Variants in CNDP1 observed in about 807,000 individuals in gnomAD.
The protein encoded by CNDP1 is beta-Ala-His dipeptidase.
A neutral mutation model predicts 58.1 loss-of-function variants in CNDP1; 44 were observed. The ratio of observed to expected loss-of-function variants is 0.76; its 90% CI spans 0.60 to 0.97. CNDP1 has a LOEUF of 0.97. Ranked by LOEUF, CNDP1 falls within the 50% of genes least tolerant of loss-of-function variation. The pLI, the probability that CNDP1 is intolerant of heterozygous loss-of-function variation, is 0.00. For synonymous variants in CNDP1, 254 were observed against 252.6 expected (o/e 1.01, Z -0.05); for missense variants, 616 against 655.1 (o/e 0.94, Z 0.65).
intron 1 of CNDP1, among the ~76,000 whole-genome samples, chr18:74,541,877 C>G (rs778098816): frequency 4.3e-4 from 65 of 152,184 alleles, no homozygotes; most frequent in Non-Finnish European, 7.6e-4. Context: ...GGCTCAGCTT[C>G]CGGCGCCACA....
chr18:74,579,854 C>T (rs1055787845), intron 9 of CNDP1, among the ~76,000 whole-genome samples: 1 of 152,088 alleles, frequency 6.6e-6, no homozygotes, highest in Admixed American at 6.5e-5. Context: ...GGGGGTGGGC[C>T]GGGGCCAGGA....
At chr18:74,548,261 G>T (rs1946616054) in intron 1 of CNDP1, among the ~76,000 whole-genome samples, 1 of 152,194 alleles carries the variant, frequency 6.6e-6, no homozygotes, top group Admixed American at 6.5e-5. Context: ...GGTGGGAGGT[G>T]TTTGGGTCAT....
intron 5 of CNDP1, among the ~76,000 whole-genome samples, chr18:74,564,779 G>T (rs1229253718): frequency 1.3e-5 from 2 of 152,184 alleles, no homozygotes; most frequent in Non-Finnish European, 2.9e-5. Context: ...GCATTACCTT[G>T]AATTCTCCTT....
At chr18:74,564,209 C>T (rs1288469830) in intron 5 of CNDP1, among the ~76,000 whole-genome samples, 2 of 152,110 alleles carry the variant, frequency 1.3e-5, no homozygotes, top group African/African-American at 2.4e-5. Context: ...TGTGCGGTGT[C>T]GTTTATCTGC....
At chr18:74,578,670 T>G (rs1981697868) in intron 9 of CNDP1, among the ~76,000 whole-genome samples, 1 of 152,128 alleles carries the variant, frequency 6.6e-6, no homozygotes, top group African/African-American at 2.4e-5. Flanking sequence ...CCCTCAAGTA[T>G]ATGCAATTAC....
chr18:74,546,565 G>C (rs1471677085), intron 1 of CNDP1, among the ~76,000 whole-genome samples: 1 of 152,146 alleles, frequency 6.6e-6, no homozygotes, highest in Non-Finnish European at 1.5e-5. Context: ...ACCCCCCTGA[G>C]GGCACATAGT....
intron 2 of CNDP1, among the ~76,000 whole-genome samples, chr18:74,556,811 C>T (rs1981054362): frequency 6.6e-6 from 1 of 152,230 alleles, no homozygotes; most frequent in African/African-American, 2.4e-5. Flanking sequence ...AAGGCCTGGG[C>T]AGAGCTGGGG....
intron 2 of CNDP1, among the ~76,000 whole-genome samples, chr18:74,558,392 C>CTTTTTTTTTTTTTTTTTTT (rs71168498): frequency 3.5e-5 from 4 of 114,310 alleles, no homozygotes; most frequent in African/African-American, 3.6e-5. Flanking sequence ...CTTTCTTTTT[C>CTTTTTTTTTTTTTTTTTTT]TTTTTTTTTT....
chr18:74,584,340 A>G (rs112935248), intron 11 of CNDP1, 156 bp from the exon 12 acceptor site: 31,868 of 606,844 alleles, frequency 0.053, 1,087 homozygotes, highest in Non-Finnish European at 0.067. Context: ...CATGGAACTT[A>G]CTAAGTGCTT....
chr18:74,551,990 C>G (rs566620674), intron 1 of CNDP1, among the ~76,000 whole-genome samples: 1 of 152,272 alleles, frequency 6.6e-6, no homozygotes, highest in East Asian at 1.9e-4. Context: ...ACCTGAGCTC[C>G]CTCTCCGGCT....
At chr18:74,565,798 AG>A (rs1396234736) in intron 5 of CNDP1, among the ~76,000 whole-genome samples, 1 of 152,124 alleles carries the variant, frequency 6.6e-6, no homozygotes, top group African/African-American at 2.4e-5. Flanking sequence ...TGGGGTCTGG[AG>A]GACAGTGGCC....
At chr18:74,548,598 G>A (rs148080823) in intron 1 of CNDP1, among the ~76,000 whole-genome samples, 59 of 152,318 alleles carry the variant, frequency 3.9e-4, no homozygotes, top group Middle Eastern at 3.4e-3. Flanking sequence ...GAGGAGTGGG[G>A]CATCGCTATA....
chr18:74,547,461 A>G (rs1012630899), intron 1 of CNDP1, among the ~76,000 whole-genome samples: 3 of 152,210 alleles, frequency 2.0e-5, no homozygotes, highest in African/African-American at 7.2e-5. Context: ...CTTCTGTTCA[A>G]CACCCAAAAT....
chr18:74,576,932 T>G lies in CNDP1; in HGVS notation c.905T>G (p.Leu302Arg). Residue 302 changes from leucine (L) to arginine (R), a missense_variant, in exon 8 of 12, where the codon CTT becomes CGT. Transcript: ENST00000358821. Reference sequence around the variant, plus strand: ...GGAATCTATGATGAAGTGGTTCCTCTTACAGAAGAGGAAATAAATACATAC... The same window carrying G: ...GGAATCTATGATGAAGTGGTTCCTCGTACAGAAGAGGAAATAAATACATAC... ...VPGIYDEVVP[L>R]TEEEINTYKA... The G allele has an allele frequency of 6.2e-7, 1 of 1,613,630 alleles. No individual in the cohort carries two copies. Among genetic ancestry groups the G allele is most frequent in the East Asian group, 2.2e-5 (1 of 44,878 alleles).
intron 5 of CNDP1, among the ~76,000 whole-genome samples, chr18:74,566,158 C>T (rs1020000870): frequency 6.6e-6 from 1 of 152,222 alleles, no homozygotes; most frequent in Non-Finnish European, 1.5e-5. Flanking sequence ...CTAGGCTGTA[C>T]ACAATACAGG....
In CNDP1 at chr18:74,561,142, C is replaced by T. The variant is rs756220233; in HGVS notation, c.466+124C>T. 10 of 1,178,696 alleles carry T rather than the reference C, an allele frequency of 8.5e-6. No homozygotes were observed. In the Admixed American group the frequency reaches 9.7e-5, roughly 11 times the overall value. The allele number at this position is 1,178,696 out of a possible 1,614,324, so 73.0% of individuals were successfully genotyped here. On this transcript the variant is annotated intron_variant, in intron 4 of 11. Coordinates refer to ENST00000358821, the MANE Select transcript of CNDP1 (RefSeq NM_032649.6). ...TCATTAAGAATGCATAGGCCGGGTG[C>T]GGTGGCTCACGCTTGTAATCCCAGC...
chr18:74,571,750 C>T (rs1981484991), intron 7 of CNDP1, among the ~76,000 whole-genome samples: 2 of 152,218 alleles, frequency 1.3e-5, no homozygotes, highest in South Asian at 4.1e-4. Context: ...TGAGGCCCTT[C>T]ACCCACTTTC....
intron 1 of CNDP1, among the ~76,000 whole-genome samples, chr18:74,552,940 AC>A (rs1236728223): frequency 6.6e-6 from 1 of 152,078 alleles, no homozygotes; most frequent in Non-Finnish European, 1.5e-5. Flanking sequence ...CTTTGTCAAA[AC>A]TCATTAGTGT....
At chr18:74,569,610 C>T (rs1380109886) in intron 6 of CNDP1, among the ~76,000 whole-genome samples, 6 of 152,142 alleles carry the variant, frequency 3.9e-5, no homozygotes, top group African/African-American at 2.4e-5. Context: ...GTGAGCACCG[C>T]ATGGTCAGAG....
Sources: allele counts gnomAD v4.1 joint callset (sites outside exome capture counted in the v4.1 genomes callset), GRCh38; gene constraint gnomAD v4.1.1; transcripts MANE v1.5; gene names NCBI Gene and HGNC (gene_info 2026-07-23, HGNC 2026-07-21).